LRP1: variants seen among roughly 807,000 people sequenced by gnomAD.
LRP1 encodes the protein LDL receptor related protein 1.
A neutral mutation model predicts 541.5 loss-of-function variants in LRP1; 51 were observed. The ratio of observed to expected loss-of-function variants is 0.09; its 90% CI spans 0.08 to 0.12. LRP1 has a LOEUF of 0.12. Among genes scored for constraint, LRP1 ranks in the 10% least tolerant of loss-of-function variants. LRP1 has a pLI of 1.00. For missense variants in LRP1, 3,878 were observed against 6,376.2 expected, an observed-to-expected ratio of 0.61 and a Z score of 13.34; for synonymous variants, 2,219 against 2,470.8, an observed-to-expected ratio of 0.90 and a Z score of 3.02.
chr12:57,129,516 G>A (rs555230776), intron 1 of LRP1, among the ~76,000 whole-genome samples: 3 of 152,264 alleles, frequency 2.0e-5, no homozygotes, highest in Admixed American at 6.5e-5. Context: ...CGGGCAGAGG[G>A]CAGGCAGGCC....
chr12:57,199,187 C>A, intron 60 of LRP1, 25 bp from the exon 61 acceptor site: 2 of 1,606,604 alleles, frequency 1.2e-6, no homozygotes, highest in South Asian at 1.1e-5. Context: ...CTGACTGGCA[C>A]TGTGCCTGCC....
At chr12:57,163,133 G>A in intron 15 of LRP1, 150 bp downstream of exon 15, 1 of 1,180,312 alleles carries the variant, frequency 8.5e-7, no homozygotes, top group African/African-American at 1.5e-5. Context: ...GGGAGGGGGA[G>A]AGCAAAGGCT....
At chr12:57,195,150 A>T in intron 51 of LRP1, 49 bp downstream of exon 51, 2 of 1,596,020 alleles carry the variant, frequency 1.3e-6, no homozygotes, top group South Asian at 1.1e-5. Flanking sequence ...GGAGGGACAG[A>T]CCCCACCCAA....
chr12:57,199,845 G>A, intron 61 of LRP1, 32 bp from the exon 62 acceptor site: 1 of 1,560,326 alleles, frequency 6.4e-7, no homozygotes. Context: ...GCCAGAAAAT[G>A]TCACCATATT....
At chr12:57,131,613 G>A (rs1244889765) in intron 1 of LRP1, among the ~76,000 whole-genome samples, 1 of 152,182 alleles carries the variant, frequency 6.6e-6, no homozygotes, top group Non-Finnish European at 1.5e-5. Context: ...TCCCTGATCA[G>A]ACTCACATCC....
chr12:57,130,634 A>C (rs922178361), intron 1 of LRP1, among the ~76,000 whole-genome samples: 1 of 152,096 alleles, frequency 6.6e-6, no homozygotes, highest in Non-Finnish European at 1.5e-5. Context: ...AATTTGAGAG[A>C]GAGAGAGACC....
Position 57,179,805 on chromosome 12 carries a change from G to T in LRP1, c.4990G>T (p.Ala1664Ser). The T allele has an allele frequency of 6.2e-7, 1 of 1,614,084 alleles. No individual in the cohort carries two copies. The highest frequency in any genetic ancestry group is 2.2e-5 in the East Asian group (1 of 44,884). The change falls in exon 30 of 89, where the codon GCT (alanine) becomes TCT (serine). Residue 1664 changes from alanine to serine, a missense_variant. This residue lies in a region of LRP1 where 394 missense variants were observed against 635.9 expected (regional missense o/e 0.62). Coordinates refer to ENST00000243077, the MANE Select transcript of LRP1 (RefSeq NM_002332.3). This position sits in a 1 kb window ranked among gnomAD's most constrained non-coding sequence, Gnocchi z 6.8. ...AGACTTGCCAAATGCCCACGGGCTG[G>T]CTGTGGACTGGGTCTCCCGAAACCT... ...SADLPNAHGL[A>S]VDWVSRNLFW...
Position 57,180,318 on chromosome 12 carries a change from C to G in LRP1, c.5237-12C>G. 6.2e-7 allele frequency: 1 copy of G among 1,613,526 alleles called. No individual in the cohort carries two copies. Among genetic ancestry groups the G allele is most frequent in the East Asian group, 2.2e-5 (1 of 44,874 alleles). ...GGGCCAGACTCCCCGGCAGTGACTCCCCCTTTTCCAGGCCTGGCTATTGAC... is the reference window on the plus strand; with the variant it reads ...GGGCCAGACTCCCCGGCAGTGACTCGCCCTTTTCCAGGCCTGGCTATTGAC... On this transcript the variant is annotated splice_polypyrimidine_tract_variant and intron_variant, in intron 31 of 88. Coordinates refer to ENST00000243077, the MANE Select transcript of LRP1 (RefSeq NM_002332.3).
rs1230903050 is a variant in LRP1 at position 57,175,507 on chromosome 12, G to A, written c.3595G>A (p.Ala1199Thr). 6.2e-7 allele frequency: 1 copy of A among 1,613,900 alleles called. No homozygotes were observed. Among genetic ancestry groups the A allele is most frequent in the African/African-American group, 1.3e-5 (1 of 74,942 alleles). The change falls in exon 23 of 89, where the codon GCA (alanine) becomes ACA (threonine). Residue 1199 changes from alanine to threonine, a missense_variant. By Grantham distance (58) the Ala-to-Thr change is moderately conservative. This residue lies in a region of LRP1 where 320 missense variants were observed against 547.9 expected (regional missense o/e 0.58). Coordinates refer to ENST00000243077, the MANE Select transcript of LRP1 (RefSeq NM_002332.3). ...TGGCTGCAGCCACAACTGCTCAGTG[G>A]CACCTGGCGAAGGCATTGTGTGTTC... ...NGGCSHNCSV[A>T]PGEGIVCSCP... is the part of the protein sequence containing the mutation.
intron 42 of LRP1, among the ~76,000 whole-genome samples, 176 bp downstream of exon 42, chr12:57,187,632 C>T (rs1228630201): frequency 6.6e-6 from 1 of 152,176 alleles, no homozygotes; most frequent in Non-Finnish European, 1.5e-5. Flanking sequence ...TCAGGTTCCT[C>T]TTCTGTGATA....
rs1057110055 is a variant in LRP1, at chr12:57,129,031, G to A, written c.67G>A (p.Ala23Thr). The A allele has an allele frequency of 6.4e-7, 1 of 1,551,434 alleles. No homozygotes were observed. The highest frequency in any genetic ancestry group is 8.7e-7 in the Non-Finnish European group (1 of 1,146,842). The change falls in exon 1 of 89, where the codon GCC (alanine) becomes ACC (threonine). Residue 23 changes from alanine to threonine, a missense_variant and splice_region_variant. Ala to Thr is a moderately conservative substitution (Grantham distance 58). Around this residue, in one of 13 missense-constraint regions of LRP1, gnomAD observed 293 missense variants for 403.7 expected, o/e 0.73. Transcript: ENST00000243077. Reference sequence around the variant, plus strand: ...AGCTCTGGTCGCGGCGGCTATCGACGGTGAGTGAGATTCCGCGTCCCCCTT... The same window carrying A: ...AGCTCTGGTCGCGGCGGCTATCGACAGTGAGTGAGATTCCGCGTCCCCCTT... ...LSALVAAAID[A>T]PKTCSPKQFA... is the part of the protein sequence containing the mutation.
intron 61 of LRP1, 126 bp downstream of exon 61, chr12:57,199,526 G>A: frequency 9.4e-7 from 1 of 1,060,758 alleles, no homozygotes; most frequent in Non-Finnish European, 1.3e-6. Flanking sequence ...GACTCCAGGA[G>A]GGTCTAGACA....
chr12:57,174,036 C>A, intron 22 of LRP1, 56 bp downstream of exon 22: 3 of 1,553,296 alleles, frequency 1.9e-6, no homozygotes, highest in Middle Eastern at 2.0e-4. Flanking sequence ...GAGTCTGGGC[C>A]AAGGACAGTC....
chr12:57,209,099 T>C lies in LRP1; in HGVS notation c.12162T>C (p.Tyr4054=), dbSNP rs1275644020. 1 of 1,613,210 alleles carries C rather than the reference T, an allele frequency of 6.2e-7. No individual in the cohort carries two copies. Among genetic ancestry groups the C allele is most frequent in the Non-Finnish European group, 8.5e-7 (1 of 1,179,344 alleles). The change falls in exon 79 of 89, where the codon TAT becomes TAC. Residue 4054 remains tyrosine, a synonymous_variant. Transcript: ENST00000243077. The stretch of plus-strand genomic sequence containing the variant: ...TCTCCCCAGGCCTGGCCGTGGATTA[T>C]CACAATGAGCGGCTGTACTGGGCAG... ...IQWPTGLAVD[Y]HNERLYWADA...
chr12:57,140,587 T>C (rs2035268742), intron 2 of LRP1, among the ~76,000 whole-genome samples: 1 of 152,188 alleles, frequency 6.6e-6, no homozygotes, highest in African/African-American at 2.4e-5. Context: ...GTGACTGGGC[T>C]ACGTATTGGG....
At chr12:57,149,017 AGTG>A (rs1198910118) in intron 6 of LRP1, 2 of 677,074 alleles carry the variant, frequency 3.0e-6, no homozygotes, top group African/African-American at 3.6e-5. Context: ...GAAATGGGGT[AGTG>A]ATTTGTCTAG....
chr12:57,176,263 C>G (rs1450158975), intron 24 of LRP1, among the ~76,000 whole-genome samples, 157 bp downstream of exon 24: 1 of 152,260 alleles, frequency 6.6e-6, no homozygotes, highest in African/African-American at 2.4e-5. Flanking sequence ...GGTCTCCATG[C>G]CTGACGCCCC....
chr12:57,138,814 A>G (rs989820148), intron 2 of LRP1, among the ~76,000 whole-genome samples: 4 of 152,188 alleles, frequency 2.6e-5, no homozygotes, highest in Non-Finnish European at 4.4e-5. Flanking sequence ...GCTGCACCCC[A>G]AGACAGTGTT....
intron 15 of LRP1, among the ~76,000 whole-genome samples, chr12:57,163,691 G>A (rs2035784254): frequency 6.6e-6 from 1 of 152,130 alleles, no homozygotes; most frequent in African/African-American, 2.4e-5. Flanking sequence ...TAGCATTGTG[G>A]TAAAGTGAAC....
Sources: gnomAD v4.1 joint callset for allele counts (sites outside exome capture counted in the v4.1 genomes callset) on GRCh38, gnomAD v4.1.1 for gene constraint, gnomAD v4.1.1 regional missense constraint, Gnocchi (gnomAD v3.1) non-coding constraint, MANE v1.5 for transcripts, NCBI Gene and HGNC (gene_info 2026-07-23, HGNC 2026-07-21) for gene names.